Variants in RASGEF1C observed in about 807,000 individuals in gnomAD.
RASGEF1C encodes the protein ras-GEF domain-containing family member 1C.
Under a neutral mutation model 58.1 loss-of-function variants are expected in RASGEF1C, and 27 were observed. The observed-to-expected ratio is 0.46, with a 90% CI of 0.34 to 0.64. The LOEUF (loss-of-function observed/expected upper bound fraction) is 0.64. Among genes scored for constraint, RASGEF1C ranks in the 30% least tolerant of loss-of-function variants. The pLI, the probability that RASGEF1C is intolerant of heterozygous loss-of-function variation, is 0.01. For synonymous variants in RASGEF1C, 243 were observed against 246.3 expected, an observed-to-expected ratio of 0.99 and a Z score of 0.13; for missense variants, 502 against 605.1, an observed-to-expected ratio of 0.83 and a Z score of 1.79.
chr5:180,107,650 C>A (rs1470446302), intron 12 of RASGEF1C, among the ~76,000 whole-genome samples: 1 of 151,916 alleles, frequency 6.6e-6, no homozygotes, highest in Admixed American at 6.6e-5. Flanking sequence ...GCTCTGTCAC[C>A]CAGGCTGGAG....
At chr5:180,175,392 C>T (rs1485529882) in intron 1 of RASGEF1C, among the ~76,000 whole-genome samples, 1 of 152,224 alleles carries the variant, frequency 6.6e-6, no homozygotes, top group Non-Finnish European at 1.5e-5. Flanking sequence ...TCTCCAGACT[C>T]ATCCTGGCCA....
At chr5:180,205,773 G>A (rs1019772561) in intron 1 of RASGEF1C, among the ~76,000 whole-genome samples, 1 of 151,682 alleles carries the variant, frequency 6.6e-6, no homozygotes, top group African/African-American at 2.4e-5. Context: ...TGTTGCCCAG[G>A]CTGGAGTGCA....
At chr5:180,204,067 C>A (rs1275849708) in intron 1 of RASGEF1C, among the ~76,000 whole-genome samples, 2 of 152,160 alleles carry the variant, frequency 1.3e-5, no homozygotes, top group African/African-American at 4.8e-5. Flanking sequence ...TTATACATAG[C>A]TTTTTGACTG....
At chr5:180,135,803 G>A (rs551804323) in intron 4 of RASGEF1C, among the ~76,000 whole-genome samples, 21 of 152,366 alleles carry the variant, frequency 1.4e-4, no homozygotes, top group African/African-American at 4.8e-4. Flanking sequence ...ACTGCAGGGG[G>A]AGGTCTTGTC....
intron 1 of RASGEF1C, among the ~76,000 whole-genome samples, 166 bp downstream of exon 1, chr5:180,208,862 C>A (rs946658768): frequency 1.3e-5 from 2 of 150,574 alleles, no homozygotes; most frequent in Non-Finnish European, 3.0e-5. Context: ...CCAGTCCCGG[C>A]GGCCGCGCGG....
chr5:180,124,517 G>A (rs186415351), intron 6 of RASGEF1C, among the ~76,000 whole-genome samples: 1 of 152,282 alleles, frequency 6.6e-6, no homozygotes. Context: ...GAAATGCAAA[G>A]TTGGTTCAAC....
intron 1 of RASGEF1C, among the ~76,000 whole-genome samples, chr5:180,153,259 C>T (rs1766794049): frequency 6.6e-6 from 1 of 152,178 alleles, no homozygotes; most frequent in Non-Finnish European, 1.5e-5. Context: ...ACACAGATCC[C>T]TGATATTGAT....
chr5:180,140,950 G>A (rs1766568084), intron 1 of RASGEF1C, among the ~76,000 whole-genome samples: 1 of 152,212 alleles, frequency 6.6e-6, no homozygotes, highest in African/African-American at 2.4e-5. Flanking sequence ...GAGTGACTGA[G>A]TTGGGGTCAG....
intron 1 of RASGEF1C, among the ~76,000 whole-genome samples, chr5:180,191,182 C>T (rs1327994414): frequency 6.6e-6 from 1 of 152,188 alleles, no homozygotes; most frequent in Non-Finnish European, 1.5e-5. Context: ...TTGCCATACG[C>T]TGCTAGAGAA....
intron 1 of RASGEF1C, among the ~76,000 whole-genome samples, chr5:180,162,053 C>A (rs1339882535): frequency 6.6e-6 from 1 of 152,230 alleles, no homozygotes; most frequent in Non-Finnish European, 1.5e-5. Flanking sequence ...GAGGTCCTGT[C>A]TGATCACTGA....
At chr5:180,185,668 C>T (rs1384450318) in intron 1 of RASGEF1C, among the ~76,000 whole-genome samples, 2 of 151,476 alleles carry the variant, frequency 1.3e-5, no homozygotes, top group African/African-American at 4.9e-5. Flanking sequence ...CAAGTTTATG[C>T]CAATCAGTTG....
intron 1 of RASGEF1C, among the ~76,000 whole-genome samples, chr5:180,180,313 G>A (rs577666411): frequency 2.0e-5 from 3 of 152,344 alleles, no homozygotes; most frequent in African/African-American, 7.2e-5. Flanking sequence ...CCTGGCCGCT[G>A]CTGTCAGATT....
chr5:180,127,124 C>T (rs1004417781), intron 6 of RASGEF1C, among the ~76,000 whole-genome samples: 1 of 152,196 alleles, frequency 6.6e-6, no homozygotes, highest in African/African-American at 2.4e-5. Flanking sequence ...GATCGAAATC[C>T]GGGTGCGTGG....
intron 8 of RASGEF1C, 140 bp downstream of exon 8, chr5:180,119,206 G>A (rs1280630504): frequency 4.1e-6 from 3 of 740,490 alleles, no homozygotes; most frequent in Admixed American, 2.3e-5. Flanking sequence ...GGGCTGCCCA[G>A]GCCTTCAGAG....
chr5:180,176,745 A>AC (rs1767232769), intron 1 of RASGEF1C, among the ~76,000 whole-genome samples: 1 of 151,832 alleles, frequency 6.6e-6, no homozygotes, highest in Non-Finnish European at 1.5e-5. Context: ...TTTAGTAGAG[A>AC]TGGGGTTTCA....
chr5:180,184,060 A>T (rs1239902614), intron 1 of RASGEF1C, among the ~76,000 whole-genome samples: 1 of 151,654 alleles, frequency 6.6e-6, no homozygotes, highest in African/African-American at 2.4e-5. Context: ...GCTACTCAGG[A>T]GGCTGAGGCA....
Position 180,197,186 on chromosome 5 carries a change from A to G in RASGEF1C, c.-7+11842T>C, listed in dbSNP as rs1362761520. On this transcript the variant is annotated intron_variant, in intron 1 of 13. Coordinates refer to ENST00000361132, the MANE Select transcript of RASGEF1C (RefSeq NM_175062.4). The surrounding 1 kb of genome is among the most constrained non-coding windows in gnomAD (Gnocchi z 4.7). ...TGGGGACTGAGATTTGGCGTCAGGA[A>G]GCAGGGGTGCATCAGGCACACGGGA... Among the ~76,000 whole-genome samples, 1 of 152,206 alleles carries G rather than the reference A, an allele frequency of 6.6e-6. No homozygotes were observed. Among genetic ancestry groups the G allele is most frequent in the African/African-American group, 2.4e-5 (1 of 41,452 alleles).
intron 12 of RASGEF1C, among the ~76,000 whole-genome samples, chr5:180,108,405 G>A (rs918103107): frequency 6.6e-6 from 1 of 151,758 alleles, no homozygotes; most frequent in Non-Finnish European, 1.5e-5. Flanking sequence ...GTTTCACCGT[G>A]TTAGCCAGGA....
intron 1 of RASGEF1C, among the ~76,000 whole-genome samples, chr5:180,193,117 G>A (rs13177338): frequency 0.59 from 83,835 of 141,928 alleles, 26,224 homozygotes; most frequent in East Asian, 0.87. Context: ...GTGCAGTGGC[G>A]CGATCTCGGC....
Sources: gnomAD v4.1 joint callset for allele counts (sites outside exome capture counted in the v4.1 genomes callset) on GRCh38, gnomAD v4.1.1 for gene constraint, Gnocchi (gnomAD v3.1) non-coding constraint, MANE v1.5 for transcripts, NCBI Gene and HGNC (gene_info 2026-07-23, HGNC 2026-07-21) for gene names.